Variants in FAM76A observed in about 807,000 individuals in gnomAD.
The protein encoded by FAM76A is family with sequence similarity 76 member A.
Under a neutral mutation model 46.2 loss-of-function variants are expected in FAM76A, and 32 were observed. The observed-to-expected ratio is 0.69, with a 90% CI of 0.52 to 0.93. The LOEUF (loss-of-function observed/expected upper bound fraction) is 0.93, where lower values mean the gene tolerates loss of function less well. Among genes scored for constraint, FAM76A ranks in the 40% least tolerant of loss-of-function variants. FAM76A has a pLI of 0.00. For synonymous variants in FAM76A, 137 were observed against 127.0 expected (o/e 1.08, Z -0.53); for missense variants, 274 against 361.5 (o/e 0.76, Z 1.96).
intron 2 of FAM76A, among the ~76,000 whole-genome samples, chr1:27,731,562 A>T (rs1184431079): frequency 6.6e-6 from 1 of 152,080 alleles, no homozygotes; most frequent in Non-Finnish European, 1.5e-5. Context: ...TGGTGTTTTC[A>T]TATGCCTTTA....
At chr1:27,739,979 C>T (rs565914692) in intron 4 of FAM76A, 33 of 294,324 alleles carry the variant, frequency 1.1e-4, no homozygotes, top group East Asian at 7.8e-4. Context: ...AAGATTGGCT[C>T]GCCCATCCTC....
chr1:27,752,373 ATTTG>A (rs1381108024), intron 6 of FAM76A, among the ~76,000 whole-genome samples: 1 of 152,112 alleles, frequency 6.6e-6, no homozygotes, highest in Admixed American at 6.6e-5. Context: ...ATATGTCCTA[ATTTG>A]TTTGTTGAAA....
At chr1:27,742,572 A>G (rs532642060) in intron 4 of FAM76A, among the ~76,000 whole-genome samples, 1 of 152,274 alleles carries the variant, frequency 6.6e-6, no homozygotes, top group East Asian at 1.9e-4. Flanking sequence ...CCATTTATAA[A>G]GTATTAAAAC....
intron 2 of FAM76A, among the ~76,000 whole-genome samples, chr1:27,728,921 G>A (rs903058359): frequency 2.0e-5 from 3 of 151,166 alleles, no homozygotes; most frequent in East Asian, 2.0e-4. Context: ...CTGAGATTGC[G>A]CCACTGCACT....
At chr1:27,728,501 T>C (rs1188929811) in intron 2 of FAM76A, among the ~76,000 whole-genome samples, 1 of 150,720 alleles carries the variant, frequency 6.6e-6, no homozygotes, top group Non-Finnish European at 1.5e-5. Flanking sequence ...CACAGGTGTG[T>C]GCCACCACGC....
At chr1:27,745,690 C>T (rs1027099628) in intron 5 of FAM76A, among the ~76,000 whole-genome samples, 7 of 152,194 alleles carry the variant, frequency 4.6e-5, no homozygotes, top group African/African-American at 7.2e-5. Flanking sequence ...TAATTAACTG[C>T]CTTGAGAAGT....
At chr1:27,738,976 A>G (rs1434184058) in intron 4 of FAM76A, 1 of 167,356 alleles carries the variant, frequency 6.0e-6, no homozygotes, top group Non-Finnish European at 1.3e-5. Flanking sequence ...ATTAGAACAG[A>G]AAGAAGATGG....
chr1:27,755,405 C>G, intron 7 of FAM76A, 75 bp downstream of exon 7: 1 of 1,549,536 alleles, frequency 6.5e-7, no homozygotes, highest in Admixed American at 1.7e-5. Flanking sequence ...TGATAATAAC[C>G]CTTTTTAACT....
At chr1:27,742,260 A>G (rs1557780357) in intron 4 of FAM76A, among the ~76,000 whole-genome samples, 1 of 152,182 alleles carries the variant, frequency 6.6e-6, no homozygotes, top group African/African-American at 2.4e-5. Context: ...AGAAATTCCA[A>G]CCAGCCCTGC....
In FAM76A at chr1:27,727,507, C is replaced by T; in HGVS notation, c.117C>T (p.Thr39=). The T allele has an allele frequency of 6.2e-7, 1 of 1,613,848 alleles. No individual in the cohort carries two copies. The change falls in exon 2 of 9, where the codon ACC becomes ACT. Residue 39 remains threonine (T), a synonymous_variant. Transcript: ENST00000373954. ...CRIAHPVVKC[T]YCRTEYQQES... is the part of the protein sequence containing the mutation. ...TTGCACACCCTGTTGTGAAGTGCAC[C>T]TACTGCAGGACTGAGTACCAGCAGG... is the stretch of plus-strand genomic sequence containing the variant.
In FAM76A at chr1:27,750,024, A is replaced by G. The variant is rs116393218; in HGVS notation, c.599+870A>G. On this transcript the variant is annotated intron_variant, in intron 6 of 8. Coordinates refer to ENST00000373954, the MANE Select transcript of FAM76A (RefSeq NM_152660.3). ...TTGGTACAGTGGGCTGCTTCTCAAC[A>G]AAGTGTTGGGACCAACCATTTTTCT... Among the ~76,000 whole-genome samples the G allele has an allele frequency of 9.4e-3, 1,424 of 152,200 alleles. 34 individuals are homozygous for G. The highest frequency in any genetic ancestry group is 0.033 in the African/African-American group (1,356 of 41,502).
intron 7 of FAM76A, among the ~76,000 whole-genome samples, chr1:27,758,788 G>T (rs148441274): frequency 0.017 from 2,549 of 151,816 alleles, 46 homozygotes; most frequent in Middle Eastern, 0.078. Flanking sequence ...AAAGTGCTGG[G>T]ATTACAGGCA....
chr1:27,761,309 TTTTC>T lies in FAM76A; in HGVS notation c.*735_*738del, dbSNP rs2088507183. ...TAGCTTTTAGTAAAAGAATCAGATC[TTTTC>T]TTTCTTGTTACCTTGGAGTCTTAAA... On this transcript the variant is annotated 3_prime_UTR_variant, in exon 9 of 9. Coordinates refer to ENST00000373954, the MANE Select transcript of FAM76A (RefSeq NM_152660.3). The T allele has an allele frequency of 6.6e-6, 1 of 152,592 alleles. No homozygotes were observed. Among genetic ancestry groups the T allele is most frequent in the Non-Finnish European group, 1.5e-5 (1 of 68,032 alleles). 9.5% of individuals were successfully genotyped at this position (152,592 alleles called of 1,614,324 possible).
At chr1:27,748,574 G>A (rs866872986) in intron 5 of FAM76A, among the ~76,000 whole-genome samples, 6 of 101,596 alleles carry the variant, frequency 5.9e-5, no homozygotes, top group South Asian at 3.7e-4. Flanking sequence ...CTCCGCCCCC[G>A]GGGTTCAAGC....
Position 27,742,667 on chromosome 1 carries a change from A to G in FAM76A, c.355-1987A>G, listed in dbSNP as rs191755352. On this transcript the variant is annotated intron_variant, in intron 4 of 8. Transcript: ENST00000373954. ...GGAATAAGTTGAAGAGATCCATTGTACAACATGGTGATTATAGTTAATAAA... is the reference window on the plus strand; with the variant it reads ...GGAATAAGTTGAAGAGATCCATTGTGCAACATGGTGATTATAGTTAATAAA... 7.9e-5 allele frequency among the ~76,000 whole-genome samples: 12 copies of G among 152,324 alleles called. No individual in the cohort carries two copies. The East Asian group carries it at 2.3e-3, about 29-fold the overall frequency.
At chr1:27,749,467 G>A (rs1185873093) in intron 6 of FAM76A, among the ~76,000 whole-genome samples, 3 of 152,044 alleles carry the variant, frequency 2.0e-5, no homozygotes, top group South Asian at 2.1e-4. Flanking sequence ...TCCTGGGTTC[G>A]AGCAATTCTC....
At chr1:27,729,063 ATTC>A (rs1246018076) in intron 2 of FAM76A, among the ~76,000 whole-genome samples, 1 of 151,564 alleles carries the variant, frequency 6.6e-6, no homozygotes, top group Non-Finnish European at 1.5e-5. Context: ...ACCAAGTTTG[ATTC>A]TTGTGGAACT....
intron 5 of FAM76A, among the ~76,000 whole-genome samples, chr1:27,748,286 C>T (rs903614120): frequency 2.0e-5 from 3 of 151,004 alleles, no homozygotes; most frequent in Admixed American, 2.0e-4. Context: ...CTACCACACC[C>T]GGCTGATTTT....
At chr1:27,744,887 C>T (rs1342179905) in intron 5 of FAM76A, 76 bp downstream of exon 5, 16 of 1,368,826 alleles carry the variant, frequency 1.2e-5, no homozygotes, top group Admixed American at 3.9e-5. Flanking sequence ...CATCATGGTA[C>T]ATACTACCAT....
Sources: allele counts gnomAD v4.1 joint callset (sites outside exome capture counted in the v4.1 genomes callset), GRCh38; gene constraint gnomAD v4.1.1; transcripts MANE v1.5; gene names NCBI Gene and HGNC (gene_info 2026-07-23, HGNC 2026-07-21).